Variants in DST observed in about 807,000 individuals in gnomAD.
DST encodes the protein dystonin.
DST carries 253 observed loss-of-function variants against 875.2 expected under a neutral mutation model. The ratio of observed to expected loss-of-function variants is 0.29; its 90% CI spans 0.26 to 0.32. The LOEUF is 0.32. Ranked by LOEUF, DST falls within the 10% of genes least tolerant of loss-of-function variation. The probability of loss-of-function intolerance (pLI) is 1.00; values close to 1 mark genes in which losing one functional copy is unlikely to be tolerated. For synonymous variants in DST, 3,124 were observed against 3,197.1 expected (o/e 0.98, Z 0.77); for missense variants, 8,287 against 9,111.6 (o/e 0.91, Z 3.68).
rs563501068 is a variant in DST at position 56,493,067 on chromosome 6, T to C, written c.20417A>G (p.Asn6806Ser). Residue 6806 changes from asparagine (N) to serine (S), a missense_variant, in exon 84 of 104, where the codon AAC becomes AGC. By Grantham distance (46) the Asn-to-Ser change is conservative. This residue lies in a region of DST where 1,292 missense variants were observed against 1,552.7 expected (regional missense o/e 0.83). Coordinates refer to ENST00000680361, the MANE Select transcript of DST (RefSeq NM_001374736.1). ...AGAATTGTGGAACTCCATTGCCAAG[T>C]TGAGAGCCTCTTCCAGTTTAGTCTG... ...ERKTKLEEAL[N>S]LAMEFHNSLQ... The C allele has an allele frequency of 2.0e-5, 33 of 1,611,872 alleles. No individual in the cohort carries two copies. In the South Asian group the frequency reaches 3.3e-4, roughly 16 times the overall value.
intron 61 of DST, chr6:56,542,737 G>A (rs987325598): frequency 1.3e-5 from 2 of 152,496 alleles, no homozygotes; most frequent in African/African-American, 2.4e-5. Context: ...CCTCAGGGCA[G>A]CACGGTGCCG....
At chr6:56,851,328 C>A (rs1041014940) in intron 4 of DST, 69 bp downstream of exon 4, 4 of 1,442,676 alleles carry the variant, frequency 2.8e-6, no homozygotes, top group South Asian at 2.5e-5. Flanking sequence ...TATGGCCCCC[C>A]AGGAGGTAGA....
At chr6:56,770,770 G>A (rs1329070458) in intron 4 of DST, among the ~76,000 whole-genome samples, 2 of 152,148 alleles carry the variant, frequency 1.3e-5, no homozygotes, top group Non-Finnish European at 2.9e-5. Flanking sequence ...GGAGGCCGAG[G>A]TGGGTGGATC....
rs570242724 is a variant in DST, at chr6:56,545,193, G to A, written c.16608+6991C>T. 1.8e-4 allele frequency among the ~76,000 whole-genome samples: 28 copies of A among 151,798 alleles called. No homozygotes were observed. In the South Asian group the frequency reaches 5.9e-3, roughly 32 times the overall value. ...AATTTTAAAAATTTTTTGTGGAGAT[G>A]GGGTCTCACTCTGTTGCCCAGGATG... is the stretch of plus-strand genomic sequence containing the variant. On this transcript the variant is annotated intron_variant, in intron 61 of 103. Coordinates refer to ENST00000680361, the MANE Select transcript of DST (RefSeq NM_001374736.1).
Position 56,871,246 on chromosome 6 carries a change from G to T in DST, c.418-19642C>A, listed in dbSNP as rs1420732343. 6.5e-6 allele frequency: 5 copies of T among 773,350 alleles called. No homozygotes were observed. The East Asian group carries it at 7.3e-5, about 11-fold the overall frequency. 47.9% of individuals were successfully genotyped at this position (773,350 alleles called of 1,614,324 possible). On this transcript the variant is annotated intron_variant, in intron 3 of 103. Coordinates refer to ENST00000680361, the MANE Select transcript of DST (RefSeq NM_001374736.1). ...CACACAAAGTCATGCAAATCAAGAG[G>T]TTCAAATCTTCGTGTTCACTTTAAG...
chr6:56,648,031 C>T (rs142193276), intron 13 of DST, among the ~76,000 whole-genome samples: 185 of 152,198 alleles, frequency 1.2e-3, no homozygotes, highest in African/African-American at 4.2e-3. Context: ...AAAAGCTTGC[C>T]CTAAGTTTTT....
At chr6:56,918,942 T>C (rs1424877185) in intron 2 of DST, among the ~76,000 whole-genome samples, 2 of 152,164 alleles carry the variant, frequency 1.3e-5, no homozygotes, top group Non-Finnish European at 2.9e-5. Flanking sequence ...TTATAAGCCA[T>C]TTTTTTCTCT....
At chr6:56,728,452 CCAA>C in intron 5 of DST, among the ~76,000 whole-genome samples, 1 of 152,194 alleles carries the variant, frequency 6.6e-6, no homozygotes, top group Non-Finnish European at 1.5e-5. Flanking sequence ...ACCTATAATC[CCAA>C]CACCTAGGGA....
chr6:56,715,032 A>G (rs189717772), intron 5 of DST, among the ~76,000 whole-genome samples: 2 of 152,330 alleles, frequency 1.3e-5, no homozygotes, highest in East Asian at 3.9e-4. Flanking sequence ...TTAATGTCTG[A>G]CACAGTGCCT....
At chr6:56,570,718 G>C (rs764659734) in intron 53 of DST, among the ~76,000 whole-genome samples, 4 of 152,132 alleles carry the variant, frequency 2.6e-5, no homozygotes, top group Non-Finnish European at 4.4e-5. Flanking sequence ...TTTCAGGCAA[G>C]GTTCATTGAT....
rs973677678 is a variant in DST at position 56,643,104 on chromosome 6, A to C, written c.1779-601T>G. On this transcript the variant is annotated intron_variant, in intron 15 of 103. Coordinates refer to ENST00000680361, the MANE Select transcript of DST (RefSeq NM_001374736.1). ...TGGAAAGGATATGCCAAATATTTGC[A>C]CTAAGAGTCATCCAATTGCAACCAC... The C allele has an allele frequency of 6.3e-5, 22 of 348,316 alleles. 1 individual carries two copies. Among genetic ancestry groups the C allele is most frequent in the Middle Eastern group, 1.8e-3 (2 of 1,120 alleles). 21.6% of individuals were successfully genotyped at this position (348,316 alleles called of 1,614,324 possible).
chr6:56,701,387 C>G (rs1340234483), intron 8 of DST, among the ~76,000 whole-genome samples: 1 of 152,012 alleles, frequency 6.6e-6, no homozygotes, highest in Non-Finnish European at 1.5e-5. Flanking sequence ...TATCTTTACT[C>G]ATAAATTTTC....
At chr6:56,742,413 C>G in intron 4 of DST, 1 of 1,232,638 alleles carries the variant, frequency 8.1e-7, no homozygotes, top group Non-Finnish European at 1.1e-6. Context: ...GTCCTGTTAA[C>G]TTTCTATGTA....
At chr6:56,475,795 G>A (rs1319347921) in intron 92 of DST, among the ~76,000 whole-genome samples, 1 of 152,168 alleles carries the variant, frequency 6.6e-6, no homozygotes, top group Non-Finnish European at 1.5e-5. Flanking sequence ...AGGTGGGTGA[G>A]ATCACCAAAA....
chr6:56,666,327 C>T (rs1487413377), intron 10 of DST, among the ~76,000 whole-genome samples: 1 of 152,084 alleles, frequency 6.6e-6, no homozygotes, highest in Non-Finnish European at 1.5e-5. Flanking sequence ...GATGCTATTG[C>T]TCTGTTCCTA....
rs1340473066 is a variant in DST, at chr6:56,604,519, G to C, written c.10109C>G (p.Pro3370Arg). The C allele has an allele frequency of 9.3e-6, 15 of 1,612,324 alleles. No homozygotes were observed. In the Admixed American group the frequency reaches 1.5e-4, roughly 16 times the overall value. ...GGCTGAAGGTTCTTCAACCTCTTGA[G>C]GGTTCATATGACCTTCTTTCAACCT... ...KSRLKEGHMN[P>R]QEVEEPSACA... The change falls in exon 40 of 104, where the codon CCT becomes CGT. Residue 3370 changes from proline (P) to arginine (R), a missense_variant. By Grantham distance (103) the Pro-to-Arg change is moderately radical. This residue lies in a region of DST where 3,138 missense variants were observed against 3,116.6 expected (regional missense o/e 1.01). Coordinates refer to ENST00000680361, the MANE Select transcript of DST (RefSeq NM_001374736.1).
chr6:56,487,279 T>A lies in DST; in HGVS notation c.20878-6A>T. On this transcript the variant is annotated splice_polypyrimidine_tract_variant and splice_region_variant and intron_variant, in intron 86 of 103. Coordinates refer to ENST00000680361, the MANE Select transcript of DST (RefSeq NM_001374736.1). ...CCGAGTGATTTCTGAAACTCCTAAA[T>A]ATTTAACAAGAAAAAAATGCGAATT... is the stretch of plus-strand genomic sequence containing the variant. The A allele has an allele frequency of 6.5e-7, 1 of 1,534,216 alleles. No individual in the cohort carries two copies. Among genetic ancestry groups the A allele is most frequent in the African/African-American group, 1.4e-5 (1 of 72,306 alleles).
rs543438377 is a variant in DST at position 56,464,729 on chromosome 6, C to T, written c.22715G>A (p.Arg7572His). The T allele has an allele frequency of 1.6e-4, 263 of 1,599,648 alleles. No homozygotes were observed. The highest frequency in any genetic ancestry group is 3.8e-4 in the Admixed American group (22 of 58,260). Residue 7572 changes from arginine (R) to histidine (H), a missense_variant, in exon 100 of 104, where the codon CGT (arginine) becomes CAT (histidine). Arg to His is a conservative substitution (Grantham distance 29, BLOSUM62 0). Coordinates refer to ENST00000680361, the MANE Select transcript of DST (RefSeq NM_001374736.1). ...AGTAATTGAAGAGTTTGATTCCGAACGTAACATTTTACTCCCATGATGATG... is the reference window on the plus strand; with the variant it reads ...AGTAATTGAAGAGTTTGATTCCGAATGTAACATTTTACTCCCATGATGATG... ...RVHHHGSKML[R>H]SESNSSITTT...
intron 39 of DST, among the ~76,000 whole-genome samples, chr6:56,610,199 T>C (rs775869992): frequency 1.3e-5 from 2 of 152,174 alleles, no homozygotes; most frequent in Non-Finnish European, 2.9e-5. Context: ...ACTTTTCTTT[T>C]ACCATGCAAG....
Sources: allele counts gnomAD v4.1 joint callset (sites outside exome capture counted in the v4.1 genomes callset), GRCh38; gene constraint gnomAD v4.1.1; regional missense constraint gnomAD v4.1.1; transcripts MANE v1.5; gene names NCBI Gene and HGNC (gene_info 2026-07-23, HGNC 2026-07-21).